The following RACGAP1 variants were observed in gnomAD, a reference collection of about 807,000 sequenced individuals.
The protein encoded by RACGAP1 is rac GTPase-activating protein 1.
Under a neutral mutation model 78.1 loss-of-function variants are expected in RACGAP1, and 30 were observed. The ratio of observed to expected loss-of-function variants is 0.38; its 90% confidence interval spans 0.29 to 0.52. The LOEUF (loss-of-function observed/expected upper bound fraction) is 0.52. Ranked by LOEUF, RACGAP1 falls within the 20% of genes least tolerant of loss-of-function variation. The pLI, the probability that RACGAP1 is intolerant of heterozygous loss-of-function variation, is 0.82. For synonymous variants in RACGAP1, 231 were observed against 264.8 expected (o/e 0.87, Z 1.24); for missense variants, 587 against 777.1 (o/e 0.76, Z 2.91).
intron 1 of RACGAP1, among the ~76,000 whole-genome samples, chr12:50,019,505 A>G (rs1949877432): frequency 1.3e-5 from 2 of 152,186 alleles, no homozygotes; most frequent in African/African-American, 4.8e-5. Context: ...ATTCTACCTC[A>G]ACATCAACGT....
At chr12:50,025,660 G>GTTT (rs3830366), upstream of RACGAP1, 880 of 543,074 alleles carry the variant, frequency 1.6e-3, 1 homozygote, top group Non-Finnish European at 1.9e-3. Context: ...CGGTTTTTCG[G>GTTT]TTTTTTTTGT....
intron 16 of RACGAP1, 130 bp downstream of exon 16, chr12:49,990,554 C>CA: frequency 1.2e-6 from 1 of 819,598 alleles, no homozygotes; most frequent in Non-Finnish European, 1.9e-6. Flanking sequence ...CCTTATAGCC[C>CA]CACGTTCCCT....
At chr12:50,005,494 T>C in intron 3 of RACGAP1, 102 bp from the exon 4 acceptor site, 1 of 1,356,240 alleles carries the variant, frequency 7.4e-7, no homozygotes, top group South Asian at 1.3e-5. Flanking sequence ...AATGCAGCAT[T>C]ATGCAAATGG....
chr12:50,011,147 GC>G (rs1949297682), intron 2 of RACGAP1, among the ~76,000 whole-genome samples: 1 of 151,578 alleles, frequency 6.6e-6, no homozygotes, highest in South Asian at 2.1e-4. Context: ...GACCAGCCTG[GC>G]CAACATGGTG....
chr12:50,000,989 A>G (rs1028293586), intron 7 of RACGAP1, among the ~76,000 whole-genome samples, 183 bp downstream of exon 7: 4 of 152,274 alleles, frequency 2.6e-5, no homozygotes, highest in African/African-American at 7.2e-5. Context: ...TGGAGGTTAC[A>G]GTGAGCCAAG....
At chr12:50,026,847 T>C (rs1436734711), upstream of RACGAP1, among the ~76,000 whole-genome samples, 10 of 152,012 alleles carry the variant, frequency 6.6e-5, no homozygotes, top group Non-Finnish European at 4.4e-5. Flanking sequence ...CTTTTGCTTG[T>C]TTGTTTATCT....
At chr12:49,990,403 C>A in intron 16 of RACGAP1, 60 bp from the exon 17 acceptor site, 1 of 1,409,222 alleles carries the variant, frequency 7.1e-7, no homozygotes, top group Non-Finnish European at 1.0e-6. Flanking sequence ...GAATAAACAA[C>A]TATAATATTA....
At chr12:50,033,262 G>A (rs1040989189), upstream of RACGAP1, 1 of 149,554 alleles carries the variant, frequency 6.7e-6, no homozygotes, top group Admixed American at 6.7e-5. Context: ...TGTGCGCTAA[G>A]CCCAGGGGCG....
intron 2 of RACGAP1, 86 bp downstream of exon 2, chr12:50,016,545 T>C: frequency 7.1e-7 from 1 of 1,413,950 alleles, no homozygotes; most frequent in South Asian, 1.1e-5. Flanking sequence ...AAAACAACTT[T>C]AAGATTGGAA....
At chr12:50,002,006 G>A (rs975810579) in intron 6 of RACGAP1, among the ~76,000 whole-genome samples, 1 of 149,164 alleles carries the variant, frequency 6.7e-6, no homozygotes, top group African/African-American at 2.5e-5. Context: ...CGGACGTTGC[G>A]TTCAGCCGAG....
intron 3 of RACGAP1, 22 bp downstream of exon 3, chr12:50,006,412 T>A: frequency 6.2e-7 from 1 of 1,613,510 alleles, no homozygotes; most frequent in Middle Eastern, 1.7e-4. Flanking sequence ...ATCACTGTTC[T>A]AGCACGGAAA....
intron 10 of RACGAP1, among the ~76,000 whole-genome samples, chr12:49,995,518 G>A (rs1948204348): frequency 6.6e-6 from 1 of 150,996 alleles, no homozygotes; most frequent in Admixed American, 6.6e-5. Context: ...TTTGAGATAG[G>A]GTCTTGCTCT....
intron 12 of RACGAP1, among the ~76,000 whole-genome samples, chr12:49,993,850 C>T (rs1948067537): frequency 6.6e-6 from 1 of 151,306 alleles, no homozygotes; most frequent in African/African-American, 2.4e-5. Flanking sequence ...TCGAGACCAT[C>T]CTGGCTAACA....
intron 1 of RACGAP1, among the ~76,000 whole-genome samples, chr12:50,022,615 A>AT (rs1950071547): frequency 2.6e-5 from 4 of 152,152 alleles, no homozygotes; most frequent in Admixed American, 2.6e-4. Context: ...AAAACAAAAA[A>AT]TTAATAGCAA....
At position 50,025,428 on chromosome 12, in the gene RACGAP1, C is replaced by G. The variant is rs1950236265; in HGVS notation, c.-35G>C. On this transcript the variant is annotated 5_prime_UTR_variant, in exon 1 of 17. Transcript: ENST00000312377. ...TCAGCCTGGCCCCACCTGGGCCACC[C>G]TTCACTTCGCTCCGCGCCTCACCCA... 1.0e-5 allele frequency: 10 copies of G among 985,724 alleles called. No individual in the cohort carries two copies. The highest frequency in any genetic ancestry group is 4.7e-5 in the South Asian group (1 of 21,300). The allele number at this position is 985,724 out of a possible 1,614,324, so 61.1% of individuals were successfully genotyped here.
chr12:50,022,984 C>G (rs1950087997), intron 1 of RACGAP1, among the ~76,000 whole-genome samples: 1 of 152,206 alleles, frequency 6.6e-6, no homozygotes, highest in Admixed American at 6.5e-5. Flanking sequence ...TGTTCCAAAG[C>G]ACTTCTCTCC....
intron 10 of RACGAP1, 110 bp downstream of exon 10, chr12:49,996,930 G>C: frequency 2.9e-6 from 4 of 1,360,374 alleles, no homozygotes; most frequent in Non-Finnish European, 3.8e-6. Flanking sequence ...GTCATTATTT[G>C]TGGAAAGAAA....
rs758474932 is a variant in RACGAP1 at position 49,994,498 on chromosome 12, T to G, written c.1056A>C (p.Ala352=). The part of the protein sequence containing the change: ...TPVKIGEGML[A]DFVSQTSPMI... The stretch of plus-strand genomic sequence containing the variant: ...TTGGAGAAGTCTGGGACACAAAGTC[T>G]GCCAGCATTCCCTGGAAAAAAAAAA... The change falls in exon 11 of 17, where the codon GCA becomes GCC. Residue 352 remains alanine (A), a synonymous_variant. Transcript: ENST00000312377. 5.0e-6 allele frequency: 8 copies of G among 1,612,774 alleles called. No homozygotes were observed. In the African/African-American group the frequency reaches 9.4e-5, roughly 19 times the overall value.
intron 5 of RACGAP1, among the ~76,000 whole-genome samples, chr12:50,003,675 AAAG>A (rs1948815290): frequency 6.6e-6 from 1 of 152,258 alleles, no homozygotes; most frequent in Non-Finnish European, 1.5e-5. Context: ...CTGTAAGTTA[AAAG>A]AAGTGTGCCG....
Sources: gnomAD v4.1 joint callset for allele counts (sites outside exome capture counted in the v4.1 genomes callset) on GRCh38, gnomAD v4.1.1 for gene constraint, MANE v1.5 for transcripts, NCBI Gene and HGNC (gene_info 2026-07-23, HGNC 2026-07-21) for gene names.